SHLD1: variants seen among roughly 807,000 people sequenced by gnomAD.
The protein encoded by SHLD1 is shieldin complex subunit 1, also known as RINN1-REV7-interacting novel NHEJ regulator 3.
SHLD1 carries 3 observed loss-of-function variants against 5.5 expected under a neutral mutation model. The observed-to-expected ratio is 0.54, with a 90% CI of 0.25 to 1.40. The LOEUF (loss-of-function observed/expected upper bound fraction) is 1.40, where lower values mean the gene tolerates loss of function less well. Ranked by LOEUF, SHLD1 falls within the 40% of genes most tolerant of loss-of-function variation. SHLD1 has a pLI of 0.15. For synonymous variants in SHLD1, 92 were observed against 94.3 expected (o/e 0.98, Z 0.14); for missense variants, 210 against 244.4 (o/e 0.86, Z 0.94).
intron 2 of SHLD1, among the ~76,000 whole-genome samples, chr20:5,799,972 G>T (rs1444461020): frequency 1.3e-5 from 2 of 151,240 alleles, no homozygotes; most frequent in African/African-American, 2.4e-5. Flanking sequence ...CTGTAAGAAA[G>T]GGTTTAAGGC....
At chr20:5,795,599 C>T (rs1482438224) in intron 2 of SHLD1, among the ~76,000 whole-genome samples, 1 of 73,820 alleles carries the variant, frequency 1.4e-5, no homozygotes, top group African/African-American at 8.8e-5. Context: ...ACTCTGGTCT[C>T]GCAAAAAAAA....
At chr20:5,763,007 A>G (rs1356275876) in intron 1 of SHLD1, among the ~76,000 whole-genome samples, 3 of 149,922 alleles carry the variant, frequency 2.0e-5, no homozygotes, top group Non-Finnish European at 3.0e-5. Context: ...CCTAATTGCC[A>G]CAAAGAAGTG....
intron 2 of SHLD1, among the ~76,000 whole-genome samples, chr20:5,797,306 A>G (rs1285460197): frequency 1.3e-5 from 2 of 152,160 alleles, no homozygotes; most frequent in African/African-American, 4.8e-5. Context: ...CATGCCTGTA[A>G]TCCCAACACT....
At chr20:5,833,331 G>C (rs1372720438) in intron 2 of SHLD1, among the ~76,000 whole-genome samples, 1 of 152,124 alleles carries the variant, frequency 6.6e-6, no homozygotes, top group Non-Finnish European at 1.5e-5. Flanking sequence ...ACTCGGGTTT[G>C]GTGTACAGAT....
chr20:5,752,855 C>T (rs1435429436), intron 1 of SHLD1, among the ~76,000 whole-genome samples: 2 of 152,048 alleles, frequency 1.3e-5, no homozygotes, highest in Non-Finnish European at 2.9e-5. Context: ...AGTGCAGTGG[C>T]GCAGTCTCAG....
At chr20:5,839,491 A>AGATC (rs2087830401) in intron 2 of SHLD1, among the ~76,000 whole-genome samples, 1 of 94,246 alleles carries the variant, frequency 1.1e-5, no homozygotes, top group South Asian at 3.4e-4. Flanking sequence ...ATAGAAAGAT[A>AGATC]GATAGATAGA....
chr20:5,818,179 G>A (rs538011827), intron 2 of SHLD1, among the ~76,000 whole-genome samples: 5 of 151,708 alleles, frequency 3.3e-5, no homozygotes, highest in Non-Finnish European at 5.9e-5. Context: ...AGGTTCAAGC[G>A]ATTCTCCTGC....
At chr20:5,779,942 C>T (rs966335956) in intron 2 of SHLD1, among the ~76,000 whole-genome samples, 32 of 144,108 alleles carry the variant, frequency 2.2e-4, no homozygotes, top group African/African-American at 7.2e-4. Flanking sequence ...CATTAGGATT[C>T]ATTAACTTGG....
At chr20:5,810,907 A>T (rs368483823) in intron 2 of SHLD1, among the ~76,000 whole-genome samples, 213 of 151,476 alleles carry the variant, frequency 1.4e-3, no homozygotes, top group African/African-American at 5.0e-3. Context: ...AAAAAAAGAT[A>T]ATTCTGTTAT....
At chr20:5,755,460 C>T (rs1217958417) in intron 1 of SHLD1, among the ~76,000 whole-genome samples, 1 of 152,182 alleles carries the variant, frequency 6.6e-6, no homozygotes, top group Non-Finnish European at 1.5e-5. Flanking sequence ...AAACCGTCCC[C>T]CCACCCCCAG....
At chr20:5,826,332 G>T (rs965032306) in intron 2 of SHLD1, among the ~76,000 whole-genome samples, 4 of 151,516 alleles carry the variant, frequency 2.6e-5, no homozygotes, top group Non-Finnish European at 4.4e-5. Flanking sequence ...ATAATGTGAA[G>T]TTCTTAGGAA....
intron 2 of SHLD1, among the ~76,000 whole-genome samples, chr20:5,821,317 A>G (rs910687166): frequency 1.3e-5 from 2 of 152,178 alleles, no homozygotes; most frequent in East Asian, 1.9e-4. Flanking sequence ...GTTCGAGACC[A>G]GACTGGCCAA....
At chr20:5,780,845 C>T (rs2086980931) in intron 2 of SHLD1, among the ~76,000 whole-genome samples, 1 of 152,212 alleles carries the variant, frequency 6.6e-6, no homozygotes, top group East Asian at 1.9e-4. Context: ...CAATGATCTT[C>T]CCTAGGAGCC....
intron 2 of SHLD1, among the ~76,000 whole-genome samples, chr20:5,797,073 T>C (rs1017640965): frequency 1.2e-4 from 19 of 152,194 alleles, no homozygotes; most frequent in African/African-American, 4.3e-4. Flanking sequence ...TTCTATCTTT[T>C]GCTCCAAAGT....
At chr20:5,821,341 C>T (rs1352162192) in intron 2 of SHLD1, among the ~76,000 whole-genome samples, 2 of 151,780 alleles carry the variant, frequency 1.3e-5, no homozygotes, top group East Asian at 3.9e-4. Context: ...GGTGAAACCC[C>T]GTTTCTACTA....
intron 2 of SHLD1, among the ~76,000 whole-genome samples, chr20:5,859,006 T>G (rs187864245): frequency 6.6e-6 from 1 of 152,292 alleles, no homozygotes; most frequent in Non-Finnish European, 1.5e-5. Context: ...AAAAGGCAAG[T>G]TCCATTCAAT....
intron 2 of SHLD1, among the ~76,000 whole-genome samples, chr20:5,811,924 C>T (rs115753884): frequency 0.012 from 1,848 of 152,034 alleles, 40 homozygotes; most frequent in African/African-American, 0.042. Context: ...GCTGTATAAC[C>T]CAAGGCGAGT....
intron 2 of SHLD1, among the ~76,000 whole-genome samples, chr20:5,799,188 G>GC (rs750931813): frequency 3.8e-4 from 57 of 150,280 alleles, no homozygotes; most frequent in Non-Finnish European, 6.9e-4. Context: ...GGATGACTGA[G>GC]CGAGACTCTG....
At chr20:5,768,382 C>T (rs926944241) in intron 1 of SHLD1, among the ~76,000 whole-genome samples, 29 of 152,242 alleles carry the variant, frequency 1.9e-4, no homozygotes, top group African/African-American at 6.5e-4. Flanking sequence ...GCCTGCCCCA[C>T]GCTTGGGGAG....
Sources: gnomAD v4.1 joint callset for allele counts (sites outside exome capture counted in the v4.1 genomes callset) on GRCh38, gnomAD v4.1.1 for gene constraint, MANE v1.5 for transcripts, NCBI Gene and HGNC (gene_info 2026-07-23, HGNC 2026-07-21) for gene names.